TP63: variants seen among roughly 807,000 people sequenced by gnomAD.
TP63 encodes the protein tumor protein 63.
In TP63, 17 loss-of-function variants were observed where a neutral mutation model predicts 82.8. That is an observed-to-expected ratio of 0.21 (90% CI 0.14 to 0.31). The LOEUF is 0.31. Ranked by LOEUF, TP63 falls within the 10% of genes least tolerant of loss-of-function variation. The pLI is 1.00. For synonymous variants in TP63, 330 were observed against 321.7 expected (o/e 1.03, Z -0.28); for missense variants, 648 against 895.3 (o/e 0.72, Z 3.52).
chr3:189,755,251 C>T (rs1486134577), intron 3 of TP63, among the ~76,000 whole-genome samples: 1 of 152,048 alleles, frequency 6.6e-6, no homozygotes, highest in East Asian at 1.9e-4. Flanking sequence ...CATTTTTCCT[C>T]AAAGCTCTGT....
chr3:189,693,168 T>C (rs1717079718), intron 1 of TP63, among the ~76,000 whole-genome samples: 1 of 152,230 alleles, frequency 6.6e-6, no homozygotes, highest in African/African-American at 2.4e-5. Context: ...GGATGACTGT[T>C]TCTTTGACTC....
intron 3 of TP63, among the ~76,000 whole-genome samples, chr3:189,770,125 G>A (rs1411452904): frequency 6.6e-6 from 1 of 152,178 alleles, no homozygotes; most frequent in East Asian, 1.9e-4. Context: ...AATTGTTAGT[G>A]CCTTTAGAAA....
intron 1 of TP63, among the ~76,000 whole-genome samples, chr3:189,668,624 A>G (rs1048497679): frequency 2.6e-5 from 4 of 152,118 alleles, no homozygotes; most frequent in African/African-American, 9.6e-5. Context: ...TATAATAGCA[A>G]CTCAAGCATA....
At chr3:189,793,661 G>A (rs1236307331) in intron 3 of TP63, among the ~76,000 whole-genome samples, 1 of 151,964 alleles carries the variant, frequency 6.6e-6, no homozygotes, top group Admixed American at 6.6e-5. Flanking sequence ...TTCCTTCCTA[G>A]TATAACTTTT....
intron 1 of TP63, among the ~76,000 whole-genome samples, chr3:189,690,094 CA>C (rs1289420477): frequency 6.7e-6 from 1 of 148,208 alleles, no homozygotes; most frequent in Non-Finnish European, 1.5e-5. Flanking sequence ...AACTCATACT[CA>C]GCTACTTGCT....
chr3:189,631,494 A>G lies in TP63; in HGVS notation c.-22A>G. On this transcript the variant is annotated 5_prime_UTR_variant, in exon 1 of 14. Transcript: ENST00000264731. ...TTATATAATTGTTCTCCGTTCGTTGATATCAAAGACAGTTGAAGGAAATGA... is the reference window on the plus strand; with the variant it reads ...TTATATAATTGTTCTCCGTTCGTTGGTATCAAAGACAGTTGAAGGAAATGA... The G allele has an allele frequency of 6.2e-7, 1 of 1,612,460 alleles. No individual in the cohort carries two copies. Among genetic ancestry groups the G allele is most frequent in the Non-Finnish European group, 8.5e-7 (1 of 1,178,804 alleles).
chr3:189,689,098 CTTTTTCTTTTTTTTTTTTTTTTTT>C (rs1425900554), intron 1 of TP63, among the ~76,000 whole-genome samples: 1 of 85,140 alleles, frequency 1.2e-5, no homozygotes, highest in Non-Finnish European at 2.1e-5. Context: ...TCAAATCTAC[CTTTTTCTTTTTTTTTTTTTTTTTT>C]TTTTTTTTTT....
intron 1 of TP63, among the ~76,000 whole-genome samples, chr3:189,718,116 A>C (rs1488054086): frequency 6.6e-6 from 1 of 152,186 alleles, no homozygotes; most frequent in Non-Finnish European, 1.5e-5. Flanking sequence ...CAAGTGATGG[A>C]TTTTGATTCC....
chr3:189,618,072 G>A, the TP63 span, among the ~76,000 whole-genome samples: 2 of 152,106 alleles, frequency 1.3e-5, no homozygotes, highest in Admixed American at 1.3e-4. Flanking sequence ...ATAAAAATGT[G>A]GGATCCTTTG....
chr3:189,872,326 A>G (rs1718519435), intron 9 of TP63, among the ~76,000 whole-genome samples: 1 of 151,996 alleles, frequency 6.6e-6, no homozygotes, highest in South Asian at 2.1e-4. Context: ...TTTATTTAAT[A>G]TATACCGTTG....
At position 189,893,348 on chromosome 3, in the gene TP63, A is replaced by G. The variant is rs115085657; in HGVS notation, c.1747-858A>G. ...GTTCTATAGCCAGTCAGTGACCATC[A>G]AAACCTCTGCCACAGTTTTCTCACT... On this transcript the variant is annotated intron_variant, in intron 13 of 13. Transcript: ENST00000264731. Among the ~76,000 whole-genome samples the G allele has an allele frequency of 2.7e-3, 413 of 152,352 alleles. 3 individuals carry two copies. Among genetic ancestry groups the G allele is most frequent in the South Asian group, 0.024 (117 of 4,822 alleles).
intron 3 of TP63, among the ~76,000 whole-genome samples, chr3:189,786,629 T>G (rs1020332108): frequency 1.3e-5 from 2 of 152,048 alleles, no homozygotes; most frequent in Non-Finnish European, 2.9e-5. Flanking sequence ...CTTGGACTTC[T>G]ATTCCCAAAG....
At chr3:189,773,846 A>G (rs1414338946) in intron 3 of TP63, among the ~76,000 whole-genome samples, 2 of 149,804 alleles carry the variant, frequency 1.3e-5, no homozygotes, top group African/African-American at 4.9e-5. Flanking sequence ...TCATTATAAT[A>G]TGCAAGTGAC....
At chr3:189,689,017 G>A (rs1227795829) in intron 1 of TP63, among the ~76,000 whole-genome samples, 1 of 150,006 alleles carries the variant, frequency 6.7e-6, no homozygotes, top group Non-Finnish European at 1.5e-5. Flanking sequence ...TGGGATTTTG[G>A]GACTCCTGGA....
At chr3:189,878,582 AT>A (rs199868918) in intron 10 of TP63, among the ~76,000 whole-genome samples, 5,823 of 122,460 alleles carry the variant, frequency 0.048, 268 homozygotes, top group African/African-American at 0.13. Flanking sequence ...TATATATATA[AT>A]TTTTTTTTTC....
At chr3:189,658,974 G>A (rs1386220029) in intron 1 of TP63, among the ~76,000 whole-genome samples, 1 of 151,798 alleles carries the variant, frequency 6.6e-6, no homozygotes, top group African/African-American at 2.4e-5. Context: ...ACTGAGTCAG[G>A]GTAAAGGGAA....
At chr3:189,605,896 T>G in the TP63 span, among the ~76,000 whole-genome samples, 84,273 of 151,996 alleles carry the variant, frequency 0.55, 24,885 homozygotes, top group East Asian at 0.95. Flanking sequence ...ATTTGAGCTT[T>G]GGTGTTCATA....
At chr3:189,635,739 T>A (rs1433247865) in intron 1 of TP63, among the ~76,000 whole-genome samples, 3 of 152,126 alleles carry the variant, frequency 2.0e-5, no homozygotes, top group African/African-American at 4.8e-5. Flanking sequence ...TCATATTCCT[T>A]ACCCCCTCAT....
intron 1 of TP63, among the ~76,000 whole-genome samples, chr3:189,708,904 G>A (rs1718391375): frequency 6.6e-6 from 1 of 152,196 alleles, no homozygotes; most frequent in South Asian, 2.1e-4. Flanking sequence ...CGAGAGTTAA[G>A]AGCCTTTACG....
Sources: gnomAD v4.1 joint callset for allele counts (sites outside exome capture counted in the v4.1 genomes callset) on GRCh38, gnomAD v4.1.1 for gene constraint, MANE v1.5 for transcripts, NCBI Gene and HGNC (gene_info 2026-07-23, HGNC 2026-07-21) for gene names.